The following FAM169A variants were observed in gnomAD, a reference collection of about 807,000 sequenced individuals.
FAM169A encodes the protein soluble lamin-associated protein of 75 kDa.
A neutral mutation model predicts 75.7 loss-of-function variants in FAM169A; 24 were observed. That is an observed-to-expected ratio of 0.32 (90% CI 0.23 to 0.45). The LOEUF is 0.45. Among genes scored for constraint, FAM169A ranks in the 20% least tolerant of loss-of-function variants. FAM169A has a pLI of 1.00. For missense variants in FAM169A, 673 were observed against 784.0 expected (o/e 0.86, Z 1.69); for synonymous variants, 271 against 271.0 (o/e 1.00, Z 0.00).
rs977046324 is a variant in FAM169A at position 74,779,649 on chromosome 5, TTGTTGAAAAAATAAATGGCCAAAG to T, written c.*1787_*1810del. The T allele has an allele frequency of 1.3e-5, 2 of 152,122 alleles. No individual in the cohort carries two copies. The highest frequency in any genetic ancestry group is 4.8e-5 in the African/African-American group (2 of 41,438). 9.4% of individuals were successfully genotyped at this position (152,122 alleles called of 1,614,324 possible). Reference sequence around the variant, plus strand: ...TTTTTTTTTTACTTAGTATTAGCATTTGTTGAAAAAATAAATGGCCAAAGTGCTTTAATTTTCATTTAGAATGAA... The same window carrying T: ...TTTTTTTTTTACTTAGTATTAGCATTTGCTTTAATTTTCATTTAGAATGAA... On this transcript the variant is annotated 3_prime_UTR_variant, in exon 13 of 13. Transcript: ENST00000687041.
intron 1 of FAM169A, among the ~76,000 whole-genome samples, chr5:74,848,250 A>G (rs557960641): frequency 6.6e-6 from 1 of 152,290 alleles, no homozygotes; most frequent in South Asian, 2.1e-4. Context: ...ATTGAGAAAT[A>G]TCCCTTTATC....
At chr5:74,843,248 G>A (rs1748978621) in intron 1 of FAM169A, among the ~76,000 whole-genome samples, 1 of 152,014 alleles carries the variant, frequency 6.6e-6, no homozygotes, top group East Asian at 1.9e-4. Context: ...CATGTTCTTG[G>A]AAAGAAAGCT....
chr5:74,799,850 A>C (rs1409121491), intron 10 of FAM169A: 35 of 1,021,136 alleles, frequency 3.4e-5, no homozygotes, highest in Non-Finnish European at 5.5e-5. Flanking sequence ...TCTCCAAGTT[A>C]GACATTCCAA....
intron 1 of FAM169A, among the ~76,000 whole-genome samples, chr5:74,861,332 G>T (rs528808110): frequency 6.6e-6 from 1 of 152,120 alleles, no homozygotes; most frequent in East Asian, 1.9e-4. Flanking sequence ...ATATACACTG[G>T]TAGCTCCCAA....
chr5:74,836,457 G>C (rs762763631), intron 4 of FAM169A, among the ~76,000 whole-genome samples: 11 of 152,162 alleles, frequency 7.2e-5, no homozygotes, highest in Non-Finnish European at 1.3e-4. Context: ...ATACTACTGA[G>C]GACCTCCCGT....
At chr5:74,859,139 G>A (rs1220365111) in intron 1 of FAM169A, among the ~76,000 whole-genome samples, 2 of 151,610 alleles carry the variant, frequency 1.3e-5, no homozygotes, top group Admixed American at 6.6e-5. Flanking sequence ...GCTTGAACCC[G>A]GGAGGCGGAG....
intron 1 of FAM169A, among the ~76,000 whole-genome samples, chr5:74,857,385 T>C (rs1212765328): frequency 6.6e-6 from 1 of 151,132 alleles, no homozygotes; most frequent in Admixed American, 6.6e-5. Flanking sequence ...ACCCCGTCTC[T>C]ACAAAAAATA....
intron 1 of FAM169A, among the ~76,000 whole-genome samples, chr5:74,851,257 T>C (rs907713643): frequency 3.8e-4 from 58 of 152,188 alleles, no homozygotes; most frequent in African/African-American, 1.4e-3. Context: ...GCTCACTTCG[T>C]AGTGCAGTCT....
In FAM169A at chr5:74,779,500, G is replaced by A. The variant is rs1365696085; in HGVS notation, c.*1960C>T. ...TTTTCAAATCTAAGAAATGAAACAT[G>A]TAAAGATTAAGAATTTACTGAATCT... On this transcript the variant is annotated 3_prime_UTR_variant, in exon 13 of 13. Coordinates refer to ENST00000687041, the MANE Select transcript of FAM169A (RefSeq NM_001376049.1). The A allele has an allele frequency of 6.6e-6, 1 of 152,074 alleles. No homozygotes were observed. Among genetic ancestry groups the A allele is most frequent in the Admixed American group, 6.5e-5 (1 of 15,268 alleles). 9.4% of individuals were successfully genotyped at this position (152,074 alleles called of 1,614,324 possible).
chr5:74,794,161 C>T (rs561058069), intron 11 of FAM169A, among the ~76,000 whole-genome samples: 5 of 146,696 alleles, frequency 3.4e-5, no homozygotes, highest in South Asian at 4.4e-4. Flanking sequence ...GATGAAACCC[C>T]GTCTCGGCGG....
At chr5:74,844,169 T>C (rs1042424129) in intron 1 of FAM169A, among the ~76,000 whole-genome samples, 5 of 152,336 alleles carry the variant, frequency 3.3e-5, no homozygotes, top group African/African-American at 1.2e-4. Flanking sequence ...AAAATTTCCA[T>C]GACAAGGCCG....
chr5:74,803,725 T>C (rs1337132840), intron 8 of FAM169A, among the ~76,000 whole-genome samples: 3 of 152,172 alleles, frequency 2.0e-5, no homozygotes, highest in Admixed American at 6.5e-5. Context: ...CCTGTGGAGT[T>C]TGGTAACGGG....
At position 74,818,770 on chromosome 5, in the gene FAM169A, G is replaced by GCTCT. The variant is rs375359690; in HGVS notation, c.491-4755_491-4752dup. On this transcript the variant is annotated intron_variant, in intron 5 of 12. Coordinates refer to ENST00000687041, the MANE Select transcript of FAM169A (RefSeq NM_001376049.1). ...TCTTGATTGTGGTGACGGTTTCACA[G>GCTCT]CTCTCTCTCTCTCTCTCTCTCTCTC... 4.3e-3 allele frequency among the ~76,000 whole-genome samples: 583 copies of GCTCT among 134,252 alleles called. 1 individual carries two copies. The highest frequency in any genetic ancestry group is 6.7e-3 in the Admixed American group (90 of 13,408). 88.1% of individuals were successfully genotyped at this position (134,252 alleles called of 152,430 possible).
intron 6 of FAM169A, among the ~76,000 whole-genome samples, chr5:74,812,907 T>C (rs779047867): frequency 5.3e-5 from 8 of 152,194 alleles, no homozygotes; most frequent in Non-Finnish European, 8.8e-5. Flanking sequence ...TCATATAATA[T>C]TGCTTATGGG....
At chr5:74,857,923 C>T (rs1012769607) in intron 1 of FAM169A, among the ~76,000 whole-genome samples, 11 of 152,054 alleles carry the variant, frequency 7.2e-5, no homozygotes, top group East Asian at 5.8e-4. Flanking sequence ...AGATGCTACT[C>T]GGATACAAAA....
chr5:74,804,015 T>C (rs1042261391), intron 8 of FAM169A, among the ~76,000 whole-genome samples: 3 of 152,094 alleles, frequency 2.0e-5, no homozygotes, highest in African/African-American at 7.2e-5. Context: ...GATAATAGAA[T>C]AGTGTGCTGC....
In FAM169A at chr5:74,780,674, T is replaced by TA. The variant is rs1745369004; in HGVS notation, c.*785dup. 3 of 152,220 alleles carry TA rather than the reference T, an allele frequency of 2.0e-5. No homozygotes were observed. In the South Asian group the frequency reaches 6.2e-4, roughly 31 times the overall value. The allele number at this position is 152,220 out of a possible 1,614,324, so 9.4% of individuals were successfully genotyped here. A position where few individuals can be genotyped will look rare whatever the true frequency, so the allele number is the denominator to read the frequency against. On this transcript the variant is annotated 3_prime_UTR_variant, in exon 13 of 13. Transcript: ENST00000687041. ...TTTTACCTGATTAAAGGTGAAAGTCTAAACTTCTAGGCGTCTGCACATATG... is the reference window on the plus strand; with the variant it reads ...TTTTACCTGATTAAAGGTGAAAGTCTAAAACTTCTAGGCGTCTGCACATATG...
chr5:74,822,839 A>G (rs1370720507), intron 5 of FAM169A, among the ~76,000 whole-genome samples: 1 of 152,068 alleles, frequency 6.6e-6, no homozygotes, highest in Non-Finnish European at 1.5e-5. Context: ...CCCAATCTTA[A>G]TTAACAGCCT....
intron 5 of FAM169A, among the ~76,000 whole-genome samples, chr5:74,821,143 T>C (rs1014502250): frequency 6.6e-6 from 1 of 152,240 alleles, no homozygotes; most frequent in African/African-American, 2.4e-5. Flanking sequence ...TGTCCATTCA[T>C]TGCTATGTCT....
Sources: allele counts gnomAD v4.1 joint callset (sites outside exome capture counted in the v4.1 genomes callset), GRCh38; gene constraint gnomAD v4.1.1; transcripts MANE v1.5; gene names NCBI Gene and HGNC (gene_info 2026-07-23, HGNC 2026-07-21).